Variants in BABAM2 observed in about 807,000 individuals in gnomAD.
BABAM2 encodes BRISC and BRCA1 A complex member 2.
A neutral mutation model predicts 54.7 loss-of-function variants in BABAM2; 31 were observed. That is an observed-to-expected ratio of 0.57 (90% CI 0.43 to 0.77). BABAM2 has a LOEUF of 0.77. Among genes scored for constraint, BABAM2 ranks in the 30% least tolerant of loss-of-function variants. The pLI is 0.00. For synonymous variants in BABAM2, 167 were observed against 162.9 expected (o/e 1.03, Z -0.19); for missense variants, 364 against 455.8 (o/e 0.80, Z 1.83).
intron 11 of BABAM2, chr2:28,327,143 A>T (rs1690534935): frequency 1.1e-6 from 1 of 951,844 alleles, no homozygotes; most frequent in Non-Finnish European, 1.6e-6. Flanking sequence ...TACATCTGTG[A>T]TGAACGCCAG....
chr2:27,905,458 G>C (rs2148289620), intron 2 of BABAM2, among the ~76,000 whole-genome samples: 1 of 152,222 alleles, frequency 6.6e-6, no homozygotes, highest in South Asian at 2.1e-4. Flanking sequence ...TGGCATTAAT[G>C]ACCTTATTAA....
intron 4 of BABAM2, among the ~76,000 whole-genome samples, chr2:27,993,235 A>T (rs1390323949): frequency 6.6e-6 from 1 of 152,120 alleles, no homozygotes; most frequent in East Asian, 1.9e-4. Context: ...GAGAGAGTGG[A>T]ATTTGTTCAC....
intron 7 of BABAM2, among the ~76,000 whole-genome samples, chr2:28,209,527 A>C (rs1015169936): frequency 6.6e-6 from 1 of 152,206 alleles, no homozygotes; most frequent in Non-Finnish European, 1.5e-5. Context: ...AATTATAAGC[A>C]TTGCCAACTG....
chr2:28,072,218 G>A (rs1460388808), intron 6 of BABAM2, among the ~76,000 whole-genome samples: 2 of 151,978 alleles, frequency 1.3e-5, no homozygotes, highest in East Asian at 3.9e-4. Flanking sequence ...CTGTCACCAG[G>A]CTGGAGGGCA....
chr2:28,039,973 C>A (rs150272839), intron 5 of BABAM2, among the ~76,000 whole-genome samples: 1 of 150,410 alleles, frequency 6.6e-6, no homozygotes, highest in Non-Finnish European at 1.5e-5. Flanking sequence ...AAAAAAAAAT[C>A]AAATTATTCT....
At chr2:28,136,300 C>A (rs552388022) in intron 7 of BABAM2, among the ~76,000 whole-genome samples, 3 of 152,336 alleles carry the variant, frequency 2.0e-5, no homozygotes, top group Non-Finnish European at 4.4e-5. Flanking sequence ...ACAATGGCAC[C>A]ACACTTTTTC....
At chr2:27,982,749 G>C (rs1185562114) in intron 3 of BABAM2, among the ~76,000 whole-genome samples, 1 of 151,772 alleles carries the variant, frequency 6.6e-6, no homozygotes, top group African/African-American at 2.4e-5. Context: ...TTGTCTTTTT[G>C]TGACTATTTT....
intron 7 of BABAM2, among the ~76,000 whole-genome samples, chr2:28,194,976 G>A (rs887620782): frequency 1.3e-5 from 2 of 152,180 alleles, no homozygotes; most frequent in Admixed American, 6.5e-5. Flanking sequence ...GATTACAGGC[G>A]TTAGCCACCA....
intron 11 of BABAM2, among the ~76,000 whole-genome samples, chr2:28,334,552 G>C (rs892006709): frequency 6.6e-6 from 1 of 152,234 alleles, no homozygotes; most frequent in African/African-American, 2.4e-5. Context: ...GTGGTACTGG[G>C]ATGGGCCAGA....
At chr2:28,108,402 C>T (rs917680416) in intron 6 of BABAM2, among the ~76,000 whole-genome samples, 1 of 152,244 alleles carries the variant, frequency 6.6e-6, no homozygotes, top group African/African-American at 2.4e-5. Flanking sequence ...ATTTATGCAT[C>T]GTGAAATGTC....
chr2:28,123,530 C>CA (rs1220646471), intron 6 of BABAM2, among the ~76,000 whole-genome samples: 7 of 152,164 alleles, frequency 4.6e-5, no homozygotes, highest in African/African-American at 1.7e-4. Context: ...CAAATGCTGC[C>CA]ATTAGTGGTT....
At chr2:28,319,908 C>T (rs542609974) in intron 11 of BABAM2, among the ~76,000 whole-genome samples, 1 of 152,334 alleles carries the variant, frequency 6.6e-6, no homozygotes, top group East Asian at 1.9e-4. Context: ...GAAGTGACCT[C>T]ACTCCCGAGG....
chr2:27,994,917 C>T (rs1244736402), intron 4 of BABAM2, among the ~76,000 whole-genome samples: 1 of 152,022 alleles, frequency 6.6e-6, no homozygotes, highest in Non-Finnish European at 1.5e-5. Context: ...GAGACAGAAA[C>T]CATAGCAGTA....
At chr2:28,138,306 C>T (rs1216223853) in intron 7 of BABAM2, among the ~76,000 whole-genome samples, 1 of 152,092 alleles carries the variant, frequency 6.6e-6, no homozygotes, top group Admixed American at 6.5e-5. Flanking sequence ...AAGAAATTGA[C>T]ACCTAGACAT....
At chr2:28,237,811 A>C (rs1381052990) in intron 8 of BABAM2, among the ~76,000 whole-genome samples, 4 of 152,108 alleles carry the variant, frequency 2.6e-5, no homozygotes, top group Admixed American at 2.0e-4. Context: ...AGTTCACCAG[A>C]GTCCTGTGCC....
At chr2:28,058,240 C>T (rs925602335) in intron 6 of BABAM2, among the ~76,000 whole-genome samples, 4 of 151,674 alleles carry the variant, frequency 2.6e-5, no homozygotes, top group East Asian at 1.9e-4. Context: ...TTGGCTAAAA[C>T]GTAGAACTTG....
At chr2:28,316,281 G>A (rs1558525460) in intron 11 of BABAM2, among the ~76,000 whole-genome samples, 1 of 152,042 alleles carries the variant, frequency 6.6e-6, no homozygotes, top group Non-Finnish European at 1.5e-5. Flanking sequence ...TCTCTCGGGT[G>A]ATAAAGGCTC....
chr2:28,148,040 G>T (rs1031829079), intron 7 of BABAM2, among the ~76,000 whole-genome samples: 4 of 152,146 alleles, frequency 2.6e-5, no homozygotes, highest in Non-Finnish European at 5.9e-5. Flanking sequence ...TGAACACCTT[G>T]TTCAAGGTTG....
At chr2:27,972,516 T>C (rs1367667711) in intron 3 of BABAM2, among the ~76,000 whole-genome samples, 1 of 152,190 alleles carries the variant, frequency 6.6e-6, no homozygotes, top group Non-Finnish European at 1.5e-5. Context: ...GTGTTTCCTG[T>C]AGATCTGTGC....
Sources: allele counts gnomAD v4.1 joint callset (sites outside exome capture counted in the v4.1 genomes callset), GRCh38; gene constraint gnomAD v4.1.1; transcripts MANE v1.5; gene names NCBI Gene and HGNC (gene_info 2026-07-23, HGNC 2026-07-21).